The following CEP43 variants were observed in gnomAD, a reference collection of about 807,000 sequenced individuals.
CEP43 encodes centrosomal protein 43.
CEP43 carries 36 observed loss-of-function variants against 52.6 expected under a neutral mutation model. The observed-to-expected ratio is 0.68, with a 90% confidence interval of 0.52 to 0.90. CEP43 has a LOEUF of 0.90. CEP43 is among the 40% of genes least tolerant of loss of function. The pLI is 0.00. For missense variants in CEP43, 506 were observed against 472.8 expected, an observed-to-expected ratio of 1.07 and a Z score of -0.65; for synonymous variants, 192 against 172.4, an observed-to-expected ratio of 1.11 and a Z score of -0.89.
At chr6:167,008,487 C>T (rs981935334) in intron 5 of CEP43, among the ~76,000 whole-genome samples, 3 of 151,390 alleles carry the variant, frequency 2.0e-5, no homozygotes, top group Non-Finnish European at 4.4e-5. Context: ...TTTTTTGAGA[C>T]GGAGTCTTGC....
At chr6:167,019,467 G>A (rs1780177749) in intron 7 of CEP43, among the ~76,000 whole-genome samples, 1 of 152,146 alleles carries the variant, frequency 6.6e-6, no homozygotes, top group Non-Finnish European at 1.5e-5. Flanking sequence ...TTGGAATTAA[G>A]TTTAGTGAAT....
chr6:167,020,947 G>A (rs1370957198), intron 7 of CEP43, among the ~76,000 whole-genome samples: 1 of 150,518 alleles, frequency 6.6e-6, no homozygotes, highest in Non-Finnish European at 1.5e-5. Flanking sequence ...ATACGACTGG[G>A]TGTAGTTTGT....
At chr6:167,009,039 G>C (rs1271504903) in intron 5 of CEP43, among the ~76,000 whole-genome samples, 1 of 152,048 alleles carries the variant, frequency 6.6e-6, no homozygotes, top group African/African-American at 2.4e-5. Context: ...CGGATCACTT[G>C]AGGCCAGGAG....
intron 1 of CEP43, 144 bp from the exon 2 acceptor site, chr6:166,999,916 G>C: frequency 3.1e-6 from 2 of 636,654 alleles, no homozygotes; most frequent in Non-Finnish European, 5.5e-6. Context: ...TTGTGTGACT[G>C]AGAACGTTTC....
At chr6:167,003,881 G>A in intron 4 of CEP43, 70 bp downstream of exon 4, 3 of 918,224 alleles carry the variant, frequency 3.3e-6, no homozygotes, top group African/African-American at 1.7e-5. Flanking sequence ...TAAGCTGAAA[G>A]TTAATAGAAT....
At position 167,040,359 on chromosome 6, in the gene CEP43, A is replaced by G. The variant is rs1780670515; in HGVS notation, c.*381A>G. ...CTGCTGGTACGTGTGATCTTTGAAA[A>G]CCTTGGCTTTAGCCCTCTGGAATCA... is the stretch of plus-strand genomic sequence containing the variant. On this transcript the variant is annotated 3_prime_UTR_variant, in exon 13 of 13. Transcript: ENST00000366847. 7.2e-7 allele frequency: 1 copy of G among 1,390,338 alleles called. No homozygotes were observed. Among genetic ancestry groups the G allele is most frequent in the Non-Finnish European group, 9.3e-7 (1 of 1,076,080 alleles). 86.1% of individuals were successfully genotyped at this position (1,390,338 alleles called of 1,614,324 possible).
At chr6:167,015,575 G>A (rs1273246887) in intron 7 of CEP43, among the ~76,000 whole-genome samples, 3 of 152,194 alleles carry the variant, frequency 2.0e-5, no homozygotes, top group African/African-American at 7.2e-5. Flanking sequence ...TGCCTGTCCT[G>A]CAGACGTGAA....
chr6:167,025,369 T>C (rs946105248), intron 9 of CEP43, among the ~76,000 whole-genome samples: 1 of 152,212 alleles, frequency 6.6e-6, no homozygotes, highest in Non-Finnish European at 1.5e-5. Context: ...TAAAGAGCAC[T>C]GGTTACACAT....
At chr6:167,036,440 C>G (rs1170971282) in intron 12 of CEP43, 1 of 985,144 alleles carries the variant, frequency 1.0e-6, no homozygotes, top group African/African-American at 1.7e-5. Flanking sequence ...GGAGGGTAGT[C>G]TCTGCACGGG....
At chr6:167,012,848 T>C (rs1211100718) in intron 6 of CEP43, among the ~76,000 whole-genome samples, 1 of 152,212 alleles carries the variant, frequency 6.6e-6, no homozygotes, top group Non-Finnish European at 1.5e-5. Context: ...TCTGCCGTCA[T>C]CCCGTTATTC....
intron 2 of CEP43, among the ~76,000 whole-genome samples, chr6:167,002,754 G>T (rs1381563617): frequency 6.6e-6 from 1 of 152,282 alleles, no homozygotes; most frequent in Middle Eastern, 3.4e-3. Flanking sequence ...AAATAAGTTG[G>T]CCTATGGGCC....
chr6:167,042,487 C>A lies in CEP43; in HGVS notation c.*2509C>A. The A allele has an allele frequency of 2.2e-6, 1 of 455,056 alleles. No homozygotes were observed. Among genetic ancestry groups the A allele is most frequent in the Non-Finnish European group, 2.9e-6 (1 of 345,028 alleles). 28.2% of individuals were successfully genotyped at this position (455,056 alleles called of 1,614,324 possible). A position where few individuals can be genotyped will look rare whatever the true frequency, so the allele number is the denominator to read the frequency against. The stretch of plus-strand genomic sequence containing the variant: ...GCAGTTGTGTAGATGCCATTAGTCC[C>A]TGCCTCATGCTTGCCCACAGCTCTT... On this transcript the variant is annotated 3_prime_UTR_variant, in exon 13 of 13. Transcript: ENST00000366847.
intron 12 of CEP43, among the ~76,000 whole-genome samples, chr6:167,035,091 T>C (rs575120806): frequency 7.9e-5 from 12 of 152,326 alleles, no homozygotes; most frequent in African/African-American, 2.6e-4. Context: ...CCCTTTGCCA[T>C]TGGGGGCCTT....
rs556443383 is a variant in CEP43 at position 167,012,161 on chromosome 6, T to G, written c.519+1268T>G. ...TGATTATACTACACGATACCTTTCT[T>G]TTTTAAATGTCTAGGCACAGAACAT... On this transcript the variant is annotated intron_variant, in intron 6 of 12. Transcript: ENST00000366847. 5.3e-5 allele frequency among the ~76,000 whole-genome samples: 8 copies of G among 152,368 alleles called. 1 individual carries two copies. The South Asian group carries it at 1.7e-3, about 32-fold the overall frequency.
intron 7 of CEP43, among the ~76,000 whole-genome samples, chr6:167,018,804 T>A (rs1780159285): frequency 6.6e-6 from 1 of 152,206 alleles, no homozygotes; most frequent in Admixed American, 6.5e-5. Flanking sequence ...CCCAAGTAAC[T>A]GAAGTTTATG....
rs1047913901 is a variant in CEP43, at chr6:167,044,704, G to A, written c.*4726G>A. 4.3e-5 allele frequency: 13 copies of A among 305,868 alleles called. No individual in the cohort carries two copies. The highest frequency in any genetic ancestry group is 6.8e-5 in the African/African-American group (3 of 44,282). 18.9% of individuals were successfully genotyped at this position (305,868 alleles called of 1,614,324 possible). Reference sequence around the variant, plus strand: ...GTCGAGCTGGCCCCTCGTGTCATCCGACTTTGCGTTGTGGCCCTGCCTGCA... The same window carrying A: ...GTCGAGCTGGCCCCTCGTGTCATCCAACTTTGCGTTGTGGCCCTGCCTGCA... On this transcript the variant is annotated 3_prime_UTR_variant, in exon 13 of 13. Coordinates refer to ENST00000366847, the MANE Select transcript of CEP43 (RefSeq NM_007045.4).
chr6:167,003,203 C>A lies in CEP43; in HGVS notation c.167C>A (p.Pro56His), dbSNP rs144181650. 26 of 1,465,332 alleles carry A rather than the reference C, an allele frequency of 1.8e-5. No homozygotes were observed. Among genetic ancestry groups the A allele is most frequent in the Non-Finnish European group, 2.3e-5 (25 of 1,078,710 alleles). 90.8% of individuals were successfully genotyped at this position (1,465,332 alleles called of 1,614,324 possible). ...EEQEKVENKT[P>H]LVNESLKKFL... Reference sequence around the variant, plus strand: ...TTTTTTTTTTAACAGAACAAAACTCCTTTAGTTAATGAGAGCCTGAAAAAG... The same window carrying A: ...TTTTTTTTTTAACAGAACAAAACTCATTTAGTTAATGAGAGCCTGAAAAAG... The change falls in exon 3 of 13, where the codon CCT becomes CAT. Residue 56 changes from proline (P) to histidine (H), a missense_variant. Transcript: ENST00000366847.
At chr6:167,010,961 CTA>C in intron 6 of CEP43, 68 bp downstream of exon 6, 1 of 836,260 alleles carries the variant, frequency 1.2e-6, no homozygotes, top group South Asian at 1.9e-5. Flanking sequence ...TTTTCTCTCT[CTA>C]GTCTTTCTTG....
At position 167,044,384 on chromosome 6, in the gene CEP43, C is replaced by T; in HGVS notation, c.*4406C>T. On this transcript the variant is annotated 3_prime_UTR_variant, in exon 13 of 13. Coordinates refer to ENST00000366847, the MANE Select transcript of CEP43 (RefSeq NM_007045.4). ...AAATCAGTAAGCTCAAAGGCAATTT[C>T]AAAGAAATCTTTATGTTTAGCAAGA... 2 of 985,252 alleles carry T rather than the reference C, an allele frequency of 2.0e-6. No homozygotes were observed. The highest frequency in any genetic ancestry group is 2.4e-6 in the Non-Finnish European group (2 of 829,798). 61.0% of individuals were successfully genotyped at this position (985,252 alleles called of 1,614,324 possible).
Sources: allele counts gnomAD v4.1 joint callset (sites outside exome capture counted in the v4.1 genomes callset), GRCh38; gene constraint gnomAD v4.1.1; transcripts MANE v1.5; gene names NCBI Gene and HGNC (gene_info 2026-07-23, HGNC 2026-07-21).